The following PLXNA4 variants were observed in gnomAD, a reference collection of about 807,000 sequenced individuals.
The protein encoded by PLXNA4 is plexin A4.
Under a neutral mutation model 191.8 loss-of-function variants are expected in PLXNA4, and 44 were observed. The ratio of observed to expected loss-of-function variants is 0.23; its 90% CI spans 0.18 to 0.29. The LOEUF (loss-of-function observed/expected upper bound fraction) is 0.29, where lower values mean the gene tolerates loss of function less well. Ranked by LOEUF, PLXNA4 falls within the 10% of genes least tolerant of loss-of-function variation. PLXNA4 has a pLI of 1.00. For synonymous variants in PLXNA4, 1,082 were observed against 1,009.5 expected, an observed-to-expected ratio of 1.07 and a Z score of -1.36; for missense variants, 1,800 against 2,488.8, an observed-to-expected ratio of 0.72 and a Z score of 5.89.
intron 4 of PLXNA4, among the ~76,000 whole-genome samples, chr7:132,277,746 T>TA (rs2116372183): frequency 6.6e-6 from 1 of 152,320 alleles, no homozygotes; most frequent in South Asian, 2.1e-4. Context: ...CCTTGAGGCT[T>TA]AACACCTAGC....
intron 3 of PLXNA4, among the ~76,000 whole-genome samples, chr7:132,334,079 A>G (rs1195709841): frequency 6.6e-6 from 1 of 152,122 alleles, no homozygotes; most frequent in African/African-American, 2.4e-5. Flanking sequence ...TTTGTTTTAC[A>G]TTATATGTAA....
chr7:132,215,775 A>G (rs138492501), intron 9 of PLXNA4, among the ~76,000 whole-genome samples: 15 of 152,318 alleles, frequency 9.8e-5, no homozygotes, highest in African/African-American at 3.4e-4. Flanking sequence ...CTGGTGGTGA[A>G]CAGGTGGCGA....
intron 4 of PLXNA4, among the ~76,000 whole-genome samples, chr7:132,282,829 A>T (rs966682083): frequency 2.6e-5 from 4 of 151,936 alleles, no homozygotes; most frequent in Non-Finnish European, 5.9e-5. Flanking sequence ...AGCCTCCCCT[A>T]GATTATTGTG....
chr7:132,234,234 A>C (rs1016339656), intron 5 of PLXNA4, among the ~76,000 whole-genome samples: 9 of 152,242 alleles, frequency 5.9e-5, no homozygotes, highest in African/African-American at 2.2e-4. Context: ...CAATGACTCC[A>C]GTTGATTCTC....
At position 132,145,100 on chromosome 7, in the gene PLXNA4, C is replaced by T. The variant is rs763339629; in HGVS notation, c.5225+19G>A. ...GGGCTCAGGGCTCCCGATGTGCCCC[C>T]TGCCCTCCCTTCACTCACCAATTGC... is the stretch of plus-strand genomic sequence containing the variant. On this transcript the variant is annotated intron_variant, in intron 29 of 31. Coordinates refer to ENST00000321063, the MANE Select transcript of PLXNA4 (RefSeq NM_020911.2). The T allele has an allele frequency of 6.2e-7, 1 of 1,613,802 alleles. No homozygotes were observed. The highest frequency in any genetic ancestry group is 8.5e-7 in the Non-Finnish European group (1 of 1,179,924).
chr7:132,517,675 T>C (rs1160407890), intron 1 of PLXNA4, among the ~76,000 whole-genome samples: 1 of 152,132 alleles, frequency 6.6e-6, no homozygotes, highest in Non-Finnish European at 1.5e-5. Flanking sequence ...CTCCCTTGTT[T>C]CCAAAGCCAG....
chr7:132,484,836 C>T, intron 3 of PLXNA4: 1 of 1,614,092 alleles, frequency 6.2e-7, no homozygotes. Context: ...TTCCCAGGTA[C>T]ATTTAGGAAG....
At chr7:132,361,823 CTG>C (rs200991025) in intron 3 of PLXNA4, among the ~76,000 whole-genome samples, 14 of 150,908 alleles carry the variant, frequency 9.3e-5, no homozygotes, top group African/African-American at 2.7e-4. Flanking sequence ...GGGGGTGTGG[CTG>C]TGTGTGTGTG....
At chr7:132,434,344 T>A (rs1433156576) in intron 3 of PLXNA4, among the ~76,000 whole-genome samples, 1 of 152,136 alleles carries the variant, frequency 6.6e-6, no homozygotes, top group African/African-American at 2.4e-5. Flanking sequence ...TTATCCATCT[T>A]GGTTGGCATC....
chr7:132,615,469 G>A (rs550802404), intron 2 of PLXNA4, among the ~76,000 whole-genome samples: 8 of 152,282 alleles, frequency 5.3e-5, no homozygotes, highest in South Asian at 4.2e-4. Context: ...CGGCCTCAGC[G>A]TCCCTGGGGC....
chr7:132,127,569 G>A lies in PLXNA4; in HGVS notation c.*2910C>T, dbSNP rs1032122713. 4 of 152,122 alleles carry A rather than the reference G, an allele frequency of 2.6e-5. No homozygotes were observed. Among genetic ancestry groups the A allele is most frequent in the African/African-American group, 4.8e-5 (2 of 41,430 alleles). 9.4% of individuals were successfully genotyped at this position (152,122 alleles called of 1,614,324 possible). A position where few individuals can be genotyped will look rare whatever the true frequency, so the allele number is the denominator to read the frequency against. Reference sequence around the variant, plus strand: ...TCACACGTGCACCAAGAATCCAAACGGAAGAAATGGAAAACAAACAGCAGA... The same window carrying A: ...TCACACGTGCACCAAGAATCCAAACAGAAGAAATGGAAAACAAACAGCAGA... On this transcript the variant is annotated 3_prime_UTR_variant, in exon 32 of 32. Coordinates refer to ENST00000321063, the MANE Select transcript of PLXNA4 (RefSeq NM_020911.2).
intron 18 of PLXNA4, 60 bp downstream of exon 18, chr7:132,181,321 C>G: frequency 6.2e-7 from 1 of 1,601,634 alleles, no homozygotes; most frequent in Non-Finnish European, 8.5e-7. Context: ...ACTTGAACAC[C>G]CCCTTCCATG....
At chr7:132,350,854 T>C (rs886788268) in intron 3 of PLXNA4, among the ~76,000 whole-genome samples, 3 of 152,336 alleles carry the variant, frequency 2.0e-5, no homozygotes, top group African/African-American at 4.8e-5. Context: ...ATAGCAGCAT[T>C]ATTCAGAATA....
chr7:132,441,116 T>C (rs1232259600), intron 3 of PLXNA4, among the ~76,000 whole-genome samples: 3 of 152,198 alleles, frequency 2.0e-5, no homozygotes, highest in Non-Finnish European at 4.4e-5. Flanking sequence ...TCCCTCCCAA[T>C]GGTAAATCAC....
intron 9 of PLXNA4, among the ~76,000 whole-genome samples, chr7:132,211,906 AG>A (rs1380046942): frequency 6.6e-6 from 1 of 152,050 alleles, no homozygotes; most frequent in Non-Finnish European, 1.5e-5. Context: ...TTGTCCAGGG[AG>A]GGCTGGGGAC....
chr7:132,444,065 A>G (rs1324168938), intron 3 of PLXNA4, among the ~76,000 whole-genome samples: 1 of 152,208 alleles, frequency 6.6e-6, no homozygotes, highest in Non-Finnish European at 1.5e-5. Flanking sequence ...CTGCAGACCA[A>G]CTTAAGAACA....
At chr7:132,285,483 G>A (rs987452253) in intron 4 of PLXNA4, among the ~76,000 whole-genome samples, 1 of 152,054 alleles carries the variant, frequency 6.6e-6, no homozygotes, top group Non-Finnish European at 1.5e-5. Context: ...CAAAACCATC[G>A]CATACGTCTC....
At chr7:132,135,912 G>T (rs1444191101) in intron 30 of PLXNA4, among the ~76,000 whole-genome samples, 3 of 152,122 alleles carry the variant, frequency 2.0e-5, no homozygotes, top group Non-Finnish European at 4.4e-5. Flanking sequence ...CTATTGACAG[G>T]TGGGCCAACT....
intron 3 of PLXNA4, chr7:132,484,989 C>T (rs774010751): frequency 1.2e-6 from 2 of 1,614,150 alleles, no homozygotes; most frequent in South Asian, 2.2e-5. Context: ...TGGGTGATTC[C>T]CCCTTGTGGA....
Sources: gnomAD v4.1 joint callset for allele counts (sites outside exome capture counted in the v4.1 genomes callset) on GRCh38, gnomAD v4.1.1 for gene constraint, MANE v1.5 for transcripts, NCBI Gene and HGNC (gene_info 2026-07-23, HGNC 2026-07-21) for gene names.